The following MPPED1 variants were observed in gnomAD, a reference collection of about 807,000 sequenced individuals.
MPPED1 encodes the protein metallophosphoesterase domain containing 1.
Under a neutral mutation model 36.2 loss-of-function variants are expected in MPPED1, and 16 were observed. The observed-to-expected ratio is 0.44, with a 90% CI of 0.30 to 0.67. The LOEUF (loss-of-function observed/expected upper bound fraction) is 0.67, where lower values mean the gene tolerates loss of function less well. Ranked by LOEUF, MPPED1 falls within the 30% of genes least tolerant of loss-of-function variation. The probability of loss-of-function intolerance (pLI) is 0.10; values close to 1 mark genes in which losing one functional copy is unlikely to be tolerated. For missense variants in MPPED1, 307 were observed against 453.4 expected (o/e 0.68, Z 2.93); for synonymous variants, 199 against 191.3 (o/e 1.04, Z -0.33).
At chr22:43,456,468 G>T (rs1049724932) in intron 3 of MPPED1, among the ~76,000 whole-genome samples, 1 of 152,088 alleles carries the variant, frequency 6.6e-6, no homozygotes, top group Non-Finnish European at 1.5e-5. Context: ...AGGTTCAGAA[G>T]ATCTCTTCTA....
intron 3 of MPPED1, among the ~76,000 whole-genome samples, chr22:43,456,060 G>C (rs1305381491): frequency 6.6e-6 from 1 of 152,106 alleles, no homozygotes; most frequent in Non-Finnish European, 1.5e-5. Context: ...TCCTTGATTT[G>C]TGGCCACAAG....
chr22:43,489,940 C>A (rs759343107), intron 4 of MPPED1, among the ~76,000 whole-genome samples: 3 of 152,222 alleles, frequency 2.0e-5, no homozygotes, highest in Non-Finnish European at 2.9e-5. Flanking sequence ...CTGCTCTCCT[C>A]CTCCCTCCTT....
At chr22:43,481,662 C>T (rs920075862) in intron 4 of MPPED1, among the ~76,000 whole-genome samples, 1 of 152,154 alleles carries the variant, frequency 6.6e-6, no homozygotes, top group Admixed American at 6.5e-5. Context: ...CAGCTCCCTC[C>T]CCTCTGTTTC....
intron 3 of MPPED1, among the ~76,000 whole-genome samples, chr22:43,473,136 G>T (rs927288064): frequency 6.6e-6 from 1 of 152,250 alleles, no homozygotes; most frequent in Non-Finnish European, 1.5e-5. Context: ...AGCGGAAGAG[G>T]TAGAGTTTTT....
chr22:43,459,045 G>C (rs1379171695), intron 3 of MPPED1, among the ~76,000 whole-genome samples: 1 of 151,672 alleles, frequency 6.6e-6, no homozygotes, highest in Non-Finnish European at 1.5e-5. Context: ...AATTTGGGGA[G>C]GTTTTGCTAT....
At chr22:43,466,356 A>T (rs918707086) in intron 3 of MPPED1, among the ~76,000 whole-genome samples, 1 of 152,062 alleles carries the variant, frequency 6.6e-6, no homozygotes, top group Admixed American at 6.5e-5. Context: ...GGGAAGCCAG[A>T]CCTGGGTCCC....
intron 1 of MPPED1, chr22:43,418,116 G>A (rs774719483): frequency 2.2e-6 from 1 of 456,334 alleles, no homozygotes; most frequent in South Asian, 1.5e-5. Flanking sequence ...GAGAAACACA[G>A]GTGTGTTCTG....
intron 3 of MPPED1, among the ~76,000 whole-genome samples, chr22:43,463,807 T>TTTTCTTTC (rs695374): frequency 0.012 from 1,315 of 112,918 alleles, 20 homozygotes; most frequent in Middle Eastern, 0.016. Context: ...TCATTTTTTC[T>TTTTCTTTC]TTTCTTTCTT....
intron 1 of MPPED1, chr22:43,419,011 C>G (rs1929170825): frequency 6.6e-6 from 1 of 152,184 alleles, no homozygotes; most frequent in Non-Finnish European, 1.5e-5. Context: ...GGGGAAGAGA[C>G]ATGGAGTGAG....
chr22:43,412,080 C>T lies in MPPED1; in HGVS notation c.-157C>T. On this transcript the variant is annotated 5_prime_UTR_variant, in exon 1 of 7. Transcript: ENST00000443721. Reference sequence around the variant, plus strand: ...GGAGCCCCCGCCCCTGCGCGCCTCCCTCCCGGGAGCCCCTGCCTCCCTCGG... The same window carrying T: ...GGAGCCCCCGCCCCTGCGCGCCTCCTTCCCGGGAGCCCCTGCCTCCCTCGG... The T allele has an allele frequency of 1.0e-6, 1 of 979,788 alleles. No individual in the cohort carries two copies. The highest frequency in any genetic ancestry group is 4.7e-5 in the South Asian group (1 of 21,276). The allele number at this position is 979,788 out of a possible 1,614,324, so 60.7% of individuals were successfully genotyped here. A position where few individuals can be genotyped will look rare whatever the true frequency, so the allele number is the denominator to read the frequency against.
chr22:43,439,233 GAA>G (rs1392546191), intron 3 of MPPED1, among the ~76,000 whole-genome samples: 1 of 152,216 alleles, frequency 6.6e-6, no homozygotes, highest in African/African-American at 2.4e-5. Flanking sequence ...GGGTTGGGAT[GAA>G]AGAGTCCCTC....
At chr22:43,448,002 C>T (rs973125607) in intron 3 of MPPED1, among the ~76,000 whole-genome samples, 3 of 150,614 alleles carry the variant, frequency 2.0e-5, no homozygotes, top group Admixed American at 6.6e-5. Flanking sequence ...CCTCAGCCTC[C>T]CAAGTAGCTG....
intron 2 of MPPED1, among the ~76,000 whole-genome samples, chr22:43,433,750 T>C (rs950759916): frequency 4.6e-5 from 5 of 108,496 alleles, no homozygotes; most frequent in African/African-American, 1.7e-4. Flanking sequence ...TTCTTCGAAG[T>C]ATATTGTCTG....
At chr22:43,463,509 C>G (rs1416285808) in intron 3 of MPPED1, among the ~76,000 whole-genome samples, 1 of 151,898 alleles carries the variant, frequency 6.6e-6, no homozygotes, top group Non-Finnish European at 1.5e-5. Context: ...ATTTTTAAAT[C>G]TTTTCTCACC....
At chr22:43,475,238 C>T (rs115769458) in intron 4 of MPPED1, among the ~76,000 whole-genome samples, 3,525 of 152,112 alleles carry the variant, frequency 0.023, 139 homozygotes, top group African/African-American at 0.081. Flanking sequence ...CTCCATTTTA[C>T]AGGTGAGGAA....
At chr22:43,486,191 G>A (rs970137822) in intron 4 of MPPED1, among the ~76,000 whole-genome samples, 5 of 152,242 alleles carry the variant, frequency 3.3e-5, no homozygotes, top group Non-Finnish European at 7.3e-5. Flanking sequence ...AACCAGGCAC[G>A]TCTCTGACAT....
intron 3 of MPPED1, among the ~76,000 whole-genome samples, chr22:43,443,345 G>T (rs561268734): frequency 6.6e-5 from 10 of 152,292 alleles, no homozygotes; most frequent in Admixed American, 5.9e-4. Flanking sequence ...GGTTTCTGAA[G>T]GACCCTTCTG....
At chr22:43,449,252 G>C (rs1485650625) in intron 3 of MPPED1, among the ~76,000 whole-genome samples, 2 of 152,068 alleles carry the variant, frequency 1.3e-5, no homozygotes, top group African/African-American at 4.8e-5. Context: ...GTTTTCTCAC[G>C]ATCCCTTGCA....
At chr22:43,485,319 T>C (rs922643512) in intron 4 of MPPED1, among the ~76,000 whole-genome samples, 5 of 151,784 alleles carry the variant, frequency 3.3e-5, no homozygotes, top group African/African-American at 1.2e-4. Flanking sequence ...CACATATTCA[T>C]AGACACATAC....
Sources: gnomAD v4.1 joint callset for allele counts (sites outside exome capture counted in the v4.1 genomes callset) on GRCh38, gnomAD v4.1.1 for gene constraint, MANE v1.5 for transcripts, NCBI Gene and HGNC (gene_info 2026-07-23, HGNC 2026-07-21) for gene names.